PRKRIP1: variants seen among roughly 807,000 people sequenced by gnomAD.
PRKRIP1 encodes PRKR interacting protein 1, also known as PRKR-interacting protein 1.
A neutral mutation model predicts 29.3 loss-of-function variants in PRKRIP1; 29 were observed. The observed-to-expected ratio is 0.99, with a 90% CI of 0.74 to 1.35. The LOEUF (loss-of-function observed/expected upper bound fraction) is 1.35, where lower values mean the gene tolerates loss of function less well. Among genes scored for constraint, PRKRIP1 ranks in the 40% most tolerant of loss-of-function variants. The pLI, the probability that PRKRIP1 is intolerant of heterozygous loss-of-function variation, is 0.00. For synonymous variants in PRKRIP1, 90 were observed against 85.1 expected, an observed-to-expected ratio of 1.06 and a Z score of -0.32; for missense variants, 247 against 236.8, an observed-to-expected ratio of 1.04 and a Z score of -0.28.
chr7:102,412,602 T>G (rs1782000602), intron 5 of PRKRIP1, among the ~76,000 whole-genome samples: 1 of 152,198 alleles, frequency 6.6e-6, no homozygotes, highest in Non-Finnish European at 1.5e-5. Flanking sequence ...CTCAGTTTCC[T>G]TATTTTTCAT....
intron 3 of PRKRIP1, chr7:102,404,327 A>G: frequency 6.3e-6 from 2 of 319,026 alleles, no homozygotes; most frequent in Non-Finnish European, 1.2e-5. Flanking sequence ...TGTCCTCTGC[A>G]CTCCCTCCTG....
intron 2 of PRKRIP1, among the ~76,000 whole-genome samples, chr7:102,398,296 T>A (rs1304753707): frequency 6.6e-6 from 1 of 151,510 alleles, no homozygotes; most frequent in African/African-American, 2.4e-5. Flanking sequence ...TTTTTGTTTT[T>A]CTTTTGGAGA....
intron 5 of PRKRIP1, chr7:102,423,523 T>C (rs1796754963): frequency 4.5e-6 from 1 of 220,198 alleles, no homozygotes; most frequent in East Asian, 1.2e-4. Flanking sequence ...AGCAAGTTCC[T>C]CCACCTCTCT....
chr7:102,406,172 C>G (rs1554571799), intron 4 of PRKRIP1, among the ~76,000 whole-genome samples: 1 of 152,182 alleles, frequency 6.6e-6, no homozygotes, highest in Non-Finnish European at 1.5e-5. Context: ...CAGTGCATCT[C>G]ATCGATTTGC....
chr7:102,416,628 C>G (rs533902681), intron 5 of PRKRIP1, among the ~76,000 whole-genome samples: 1 of 151,296 alleles, frequency 6.6e-6, no homozygotes, highest in African/African-American at 2.4e-5. Flanking sequence ...AAGCACCCTT[C>G]TCACCACACA....
At chr7:102,421,939 A>G (rs1212519057) in intron 5 of PRKRIP1, among the ~76,000 whole-genome samples, 1 of 151,998 alleles carries the variant, frequency 6.6e-6, no homozygotes, top group Non-Finnish European at 1.5e-5. Context: ...TGAACATGCT[A>G]TTTTCCACTG....
At position 102,424,767 on chromosome 7, in the gene PRKRIP1, G is replaced by T. The variant is rs530549209; in HGVS notation, c.458-247G>T. ...TGGTTTATGGGGTGTCGGGTCTTGC[G>T]TGTGCCTCTGGGCCTTTGGGTAAAG... On this transcript the variant is annotated intron_variant, in intron 5 of 5. Coordinates refer to ENST00000397912, the MANE Select transcript of PRKRIP1 (RefSeq NM_024653.4). Among the ~76,000 whole-genome samples, 16 of 152,250 alleles carry T rather than the reference G, an allele frequency of 1.1e-4. No homozygotes were observed. The South Asian group carries it at 3.3e-3, about 32-fold the overall frequency.
chr7:102,421,885 C>T (rs992769353), intron 5 of PRKRIP1, among the ~76,000 whole-genome samples: 1 of 151,956 alleles, frequency 6.6e-6, no homozygotes, highest in Admixed American at 6.6e-5. Flanking sequence ...ATTTAGCAGC[C>T]GATCCAGGTG....
chr7:102,425,250 T>C lies in PRKRIP1; in HGVS notation c.*139T>C. The C allele has an allele frequency of 2.0e-6, 3 of 1,505,172 alleles. No individual in the cohort carries two copies. Among genetic ancestry groups the C allele is most frequent in the Non-Finnish European group, 2.7e-6 (3 of 1,131,240 alleles). 93.2% of individuals were successfully genotyped at this position (1,505,172 alleles called of 1,614,324 possible). ...GCAAAGGAGACCCCTCCCGAGCCGCTCACAGTCCTGTATTTGGCAGGTTTG... is the reference window on the plus strand; with the variant it reads ...GCAAAGGAGACCCCTCCCGAGCCGCCCACAGTCCTGTATTTGGCAGGTTTG... On this transcript the variant is annotated 3_prime_UTR_variant, in exon 6 of 6. Transcript: ENST00000397912.
At chr7:102,421,449 G>A (rs1796689992) in intron 5 of PRKRIP1, among the ~76,000 whole-genome samples, 1 of 151,850 alleles carries the variant, frequency 6.6e-6, no homozygotes, top group Non-Finnish European at 1.5e-5. Flanking sequence ...GGAGGCTACG[G>A]TGAGCCGTGA....
rs1004031978 is a variant in PRKRIP1, at chr7:102,426,034, C to A, written c.*923C>A. On this transcript the variant is annotated 3_prime_UTR_variant, in exon 6 of 6. Transcript: ENST00000397912. ...TTGGGGCCAGCGGGGAGAAGAGAGG[C>A]GGAACTGCTGTGTCCTCATGTGGCG... is the stretch of plus-strand genomic sequence containing the variant. The A allele has an allele frequency of 6.5e-6, 1 of 153,044 alleles. No homozygotes were observed. The highest frequency in any genetic ancestry group is 2.4e-5 in the African/African-American group (1 of 41,484). 9.5% of individuals were successfully genotyped at this position (153,044 alleles called of 1,614,324 possible). A position where few individuals can be genotyped will look rare whatever the true frequency, so the allele number is the denominator to read the frequency against.
rs577947880 is a variant in PRKRIP1, at chr7:102,397,820, C to T, written c.205+122C>T. 1.1e-5 allele frequency: 9 copies of T among 782,976 alleles called. No individual in the cohort carries two copies. In the East Asian group the frequency reaches 1.7e-4, roughly 15 times the overall value. The allele number at this position is 782,976 out of a possible 1,614,324, so 48.5% of individuals were successfully genotyped here. ...CAGCACTTTGGGAGGCCGAGGCGGG[C>T]GGATCATGAGGTCAGGAGATCGAGA... On this transcript the variant is annotated intron_variant, in intron 2 of 5. Coordinates refer to ENST00000397912, the MANE Select transcript of PRKRIP1 (RefSeq NM_024653.4).
intron 5 of PRKRIP1, chr7:102,423,260 G>T (rs543352332): frequency 1.2e-5 from 5 of 416,026 alleles, no homozygotes; most frequent in Non-Finnish European, 2.4e-5. Flanking sequence ...GATTACAGGC[G>T]CCCGCCACCA....
intron 4 of PRKRIP1, among the ~76,000 whole-genome samples, chr7:102,405,178 C>G: frequency 6.6e-6 from 1 of 152,282 alleles, no homozygotes; most frequent in Middle Eastern, 3.4e-3. Context: ...CCGCCTGCTT[C>G]GGCCTCCCAA....
chr7:102,407,916 G>A (rs1246031664), intron 5 of PRKRIP1, among the ~76,000 whole-genome samples: 2 of 152,174 alleles, frequency 1.3e-5, no homozygotes, highest in Non-Finnish European at 2.9e-5. Flanking sequence ...CCTAGCAAAA[G>A]TCTTTTTGTG....
intron 4 of PRKRIP1, among the ~76,000 whole-genome samples, chr7:102,405,066 A>G (rs927526849): frequency 3.3e-5 from 5 of 152,066 alleles, no homozygotes; most frequent in African/African-American, 9.7e-5. Flanking sequence ...AGCTGGGATT[A>G]CAGGTGCCTG....
intron 5 of PRKRIP1, 67 bp from the exon 6 acceptor site, chr7:102,424,947 T>C: frequency 1.3e-6 from 2 of 1,527,222 alleles, no homozygotes; most frequent in South Asian, 1.2e-5. Flanking sequence ...TCAGCTCTCC[T>C]CTTTGAAAGC....
chr7:102,396,701 C>G (rs1586670356), intron 1 of PRKRIP1, among the ~76,000 whole-genome samples, 164 bp downstream of exon 1: 1 of 152,120 alleles, frequency 6.6e-6, no homozygotes, highest in East Asian at 1.9e-4. Flanking sequence ...GGAGGCTGTC[C>G]CGGAGATAGT....
intron 5 of PRKRIP1, among the ~76,000 whole-genome samples, chr7:102,413,745 A>C (rs1388715845): frequency 2.6e-5 from 4 of 152,194 alleles, no homozygotes; most frequent in African/African-American, 9.7e-5. Context: ...ATCATGTAAC[A>C]TTGTATCACA....
Sources: allele counts gnomAD v4.1 joint callset (sites outside exome capture counted in the v4.1 genomes callset), GRCh38; gene constraint gnomAD v4.1.1; transcripts MANE v1.5; gene names NCBI Gene and HGNC (gene_info 2026-07-23, HGNC 2026-07-21).